The following CLCN3 variants were observed in gnomAD, a reference collection of about 807,000 sequenced individuals.
The protein encoded by CLCN3 is Cl-/H+ antiporter 3.
CLCN3 carries 16 observed loss-of-function variants against 83.4 expected under a neutral mutation model. The observed-to-expected ratio is 0.19, with a 90% CI of 0.13 to 0.29. The LOEUF is 0.29. Ranked by LOEUF, CLCN3 falls within the 10% of genes least tolerant of loss-of-function variation. CLCN3 has a pLI of 1.00. For synonymous variants in CLCN3, 322 were observed against 346.2 expected (o/e 0.93, Z 0.78); for missense variants, 544 against 1,006.0 (o/e 0.54, Z 6.21).
chr4:169,694,679 A>T (rs1732497917), intron 7 of CLCN3, among the ~76,000 whole-genome samples: 1 of 152,134 alleles, frequency 6.6e-6, no homozygotes, highest in Admixed American at 6.5e-5. Flanking sequence ...TCTCTACTAA[A>T]AATACAAAAA....
chr4:169,709,562 A>G (rs1401659693), intron 11 of CLCN3, among the ~76,000 whole-genome samples: 1 of 151,828 alleles, frequency 6.6e-6, no homozygotes, highest in Non-Finnish European at 1.5e-5. Flanking sequence ...ACGCATGCCT[A>G]TAATTCCAGC....
At chr4:169,668,176 T>A (rs1731322983) in intron 2 of CLCN3, among the ~76,000 whole-genome samples, 1 of 151,726 alleles carries the variant, frequency 6.6e-6, no homozygotes, top group Admixed American at 6.6e-5. Context: ...GGTTGTTTTT[T>A]GTTTGTTATT....
At chr4:169,693,100 T>A (rs1472256106) in intron 7 of CLCN3, among the ~76,000 whole-genome samples, 4 of 150,114 alleles carry the variant, frequency 2.7e-5, no homozygotes, top group Admixed American at 6.6e-5. Context: ...TTGAAAAACA[T>A]CTCATTAAAT....
In CLCN3 at chr4:169,623,944, C is replaced by T. The variant is rs185430742; in HGVS notation, c.-17+2881C>T. Reference sequence around the variant, plus strand: ...TCCTTTTAGATATCTCTAATATCGACCTTAAATGCAGAAGATGAATCACTG... The same window carrying T: ...TCCTTTTAGATATCTCTAATATCGATCTTAAATGCAGAAGATGAATCACTG... On this transcript the variant is annotated intron_variant, in intron 1 of 12. Coordinates refer to ENST00000513761, the MANE Select transcript of CLCN3 (RefSeq NM_001829.4). 6.1e-3 allele frequency among the ~76,000 whole-genome samples: 925 copies of T among 152,168 alleles called. 6 individuals carry two copies. Among genetic ancestry groups the T allele is most frequent in the Non-Finnish European group, 7.7e-3 (525 of 68,004 alleles).
chr4:169,711,656 T>C (rs921882667), intron 11 of CLCN3, among the ~76,000 whole-genome samples: 2 of 152,128 alleles, frequency 1.3e-5, no homozygotes, highest in African/African-American at 4.8e-5. Flanking sequence ...GGCCTGATCA[T>C]GCTTTTAAGG....
chr4:169,642,007 C>A (rs1202182507), intron 2 of CLCN3, among the ~76,000 whole-genome samples: 1 of 151,922 alleles, frequency 6.6e-6, no homozygotes, highest in Non-Finnish European at 1.5e-5. Flanking sequence ...ACAGATGAAG[C>A]AAAGGGAAAA....
intron 2 of CLCN3, among the ~76,000 whole-genome samples, chr4:169,645,869 A>C (rs1008174732): frequency 3.3e-5 from 5 of 152,142 alleles, no homozygotes; most frequent in African/African-American, 1.2e-4. Flanking sequence ...TTGTGCTTGC[A>C]TTCTTGACTT....
chr4:169,700,164 T>G (rs1203907175), intron 9 of CLCN3, among the ~76,000 whole-genome samples: 1 of 152,188 alleles, frequency 6.6e-6, no homozygotes. Context: ...TGTTTATCCT[T>G]TTAATGATCC....
chr4:169,664,301 C>T lies in CLCN3; in HGVS notation c.161-15749C>T, dbSNP rs1480718648. 3.9e-5 allele frequency among the ~76,000 whole-genome samples: 6 copies of T among 152,236 alleles called. No individual in the cohort carries two copies. The East Asian group carries it at 1.2e-3, about 29-fold the overall frequency. On this transcript the variant is annotated intron_variant, in intron 2 of 12. Transcript: ENST00000513761. ...GTTTCTCCCTGAAATTATTTCTTGACATTCATTAGCTCAGCAGTGTATCTA... is the reference window on the plus strand; with the variant it reads ...GTTTCTCCCTGAAATTATTTCTTGATATTCATTAGCTCAGCAGTGTATCTA...
intron 10 of CLCN3, among the ~76,000 whole-genome samples, chr4:169,705,563 G>A (rs991985932): frequency 6.6e-6 from 1 of 152,166 alleles, no homozygotes; most frequent in Non-Finnish European, 1.5e-5. Context: ...ATGCAAAACT[G>A]TTATAATAGT....
chr4:169,676,650 ATTT>A (rs557077180), intron 2 of CLCN3, among the ~76,000 whole-genome samples: 16 of 128,230 alleles, frequency 1.2e-4, no homozygotes, highest in East Asian at 2.2e-4. Flanking sequence ...CATGCCCAGC[ATTT>A]TTTTTTTTTT....
intron 9 of CLCN3, 59 bp from the exon 10 acceptor site, chr4:169,703,939 A>G: frequency 6.7e-7 from 1 of 1,481,598 alleles, no homozygotes; most frequent in Admixed American, 1.7e-5. Context: ...ATAGAATGTA[A>G]GTTTCAGGCA....
chr4:169,706,404 T>C (rs1407154374), intron 10 of CLCN3, among the ~76,000 whole-genome samples: 1 of 152,166 alleles, frequency 6.6e-6, no homozygotes, highest in African/African-American at 2.4e-5. Context: ...TTTACTCTTT[T>C]TGAAAAAAAT....
chr4:169,629,429 G>A (rs1385934310), intron 1 of CLCN3, among the ~76,000 whole-genome samples: 1 of 151,870 alleles, frequency 6.6e-6, no homozygotes, highest in African/African-American at 2.4e-5. Flanking sequence ...TGCAGTGAGT[G>A]GTGTGATCTC....
At chr4:169,655,720 G>T (rs1730862906) in intron 2 of CLCN3, among the ~76,000 whole-genome samples, 1 of 152,052 alleles carries the variant, frequency 6.6e-6, no homozygotes, top group Non-Finnish European at 1.5e-5. Context: ...TACCCAGTCT[G>T]GTCTTGAACT....
At chr4:169,644,089 A>G (rs1730501803) in intron 2 of CLCN3, among the ~76,000 whole-genome samples, 1 of 152,194 alleles carries the variant, frequency 6.6e-6, no homozygotes, top group Admixed American at 6.5e-5. Context: ...AGTATGAGCG[A>G]AAGTGTTCTG....
chr4:169,687,331 A>T (rs73864753), intron 3 of CLCN3, among the ~76,000 whole-genome samples: 1,949 of 152,282 alleles, frequency 0.013, 37 homozygotes, highest in African/African-American at 0.044. Flanking sequence ...CTGTAATCCC[A>T]GCACTTTGGG....
Position 169,690,392 on chromosome 4 carries a change from C to T in CLCN3, c.607-138C>T, listed in dbSNP as rs140285199. On this transcript the variant is annotated intron_variant, in intron 5 of 12. Transcript: ENST00000513761. ...AACTCCTGACCTCAGGTGATCCACC[C>T]GCCTCAACCTCCCCAGTGCTGGGAT... 1.9e-4 allele frequency: 154 copies of T among 793,070 alleles called. 1 individual carries two copies. The African/African-American group carries it at 2.3e-3, about 12-fold the overall frequency. 49.1% of individuals were successfully genotyped at this position (793,070 alleles called of 1,614,324 possible).
chr4:169,636,847 A>G (rs889299536), intron 2 of CLCN3, among the ~76,000 whole-genome samples: 4 of 151,730 alleles, frequency 2.6e-5, no homozygotes, highest in Admixed American at 6.6e-5. Context: ...TTTATATCAC[A>G]GAATGGAATG....
Sources: allele counts gnomAD v4.1 joint callset (sites outside exome capture counted in the v4.1 genomes callset), GRCh38; gene constraint gnomAD v4.1.1; transcripts MANE v1.5; gene names NCBI Gene and HGNC (gene_info 2026-07-23, HGNC 2026-07-21).